EHD4: variants seen among roughly 807,000 people sequenced by gnomAD.
EHD4 encodes the protein EH domain-containing protein 4.
A neutral mutation model predicts 51.0 loss-of-function variants in EHD4; 37 were observed. The ratio of observed to expected loss-of-function variants is 0.73; its 90% confidence interval spans 0.56 to 0.95. The LOEUF is 0.95. Among genes scored for constraint, EHD4 ranks in the 40% least tolerant of loss-of-function variants. The pLI is 0.00. For missense variants in EHD4, 632 were observed against 733.1 expected (o/e 0.86, Z 1.59); for synonymous variants, 297 against 317.3 (o/e 0.94, Z 0.68).
At chr15:41,910,719 C>G (rs1286007307) in intron 4 of EHD4, among the ~76,000 whole-genome samples, 1 of 152,150 alleles carries the variant, frequency 6.6e-6, no homozygotes, top group Non-Finnish European at 1.5e-5. Flanking sequence ...CAGGTGTGCA[C>G]CACCACGCCT....
chr15:41,920,806 A>C (rs2140989231), intron 3 of EHD4, among the ~76,000 whole-genome samples: 1 of 152,370 alleles, frequency 6.6e-6, no homozygotes, highest in African/African-American at 2.4e-5. Flanking sequence ...GCTTAGTTTC[A>C]AAAGGACATA....
At chr15:41,965,802 T>C (rs1595547787) in intron 1 of EHD4, among the ~76,000 whole-genome samples, 1 of 152,034 alleles carries the variant, frequency 6.6e-6, no homozygotes, top group South Asian at 2.1e-4. Context: ...GAAAAAGCCT[T>C]CCCCCTCCTA....
At chr15:41,902,823 G>GTA (rs933577481) in intron 5 of EHD4, among the ~76,000 whole-genome samples, 11 of 123,082 alleles carry the variant, frequency 8.9e-5, no homozygotes, top group East Asian at 7.6e-4. Context: ...ATATATGTAT[G>GTA]TATATATATA....
intron 5 of EHD4, among the ~76,000 whole-genome samples, chr15:41,906,387 A>G (rs2067512297): frequency 6.6e-6 from 1 of 152,166 alleles, no homozygotes; most frequent in Non-Finnish European, 1.5e-5. Flanking sequence ...AGGAGAGACA[A>G]CCCAATCTTC....
chr15:41,905,709 C>T (rs567832496), intron 5 of EHD4, among the ~76,000 whole-genome samples: 9 of 152,216 alleles, frequency 5.9e-5, no homozygotes, highest in Non-Finnish European at 1.0e-4. Flanking sequence ...TCTCCTCTGT[C>T]GCCCAGGCTG....
At position 41,967,050 on chromosome 15, in the gene EHD4, C is replaced by T. The variant is rs570303910; in HGVS notation, c.236+5209G>A. ...CTCATGGACATCGCCACCTTGGTGTCCACTCAAACATGACAGGTCTAAATC... is the reference window on the plus strand; with the variant it reads ...CTCATGGACATCGCCACCTTGGTGTTCACTCAAACATGACAGGTCTAAATC... On this transcript the variant is annotated intron_variant, in intron 1 of 5. Coordinates refer to ENST00000220325, the MANE Select transcript of EHD4 (RefSeq NM_139265.4). Among the ~76,000 whole-genome samples the T allele has an allele frequency of 3.9e-5, 6 of 152,320 alleles. No homozygotes were observed. In the East Asian group the frequency reaches 9.6e-4, roughly 24 times the overall value.
chr15:41,969,939 C>T (rs952804534), intron 1 of EHD4, among the ~76,000 whole-genome samples: 1 of 152,154 alleles, frequency 6.6e-6, no homozygotes, highest in Non-Finnish European at 1.5e-5. Context: ...AGGTACACCC[C>T]ACAGCCAAGT....
rs927294145 is a variant in EHD4, at chr15:41,899,080, T to C, written c.*1565A>G. 6.6e-6 allele frequency: 1 copy of C among 151,940 alleles called. No homozygotes were observed. The highest frequency in any genetic ancestry group is 6.6e-5 in the Admixed American group (1 of 15,254). The allele number at this position is 151,940 out of a possible 1,614,324, so 9.4% of individuals were successfully genotyped here. ...GGCAGGTGACAGAAAAAAAAAATTA[T>C]GTGCCTTTTGGAAGACTCAGTGGGA... is the stretch of plus-strand genomic sequence containing the variant. On this transcript the variant is annotated 3_prime_UTR_variant, in exon 6 of 6. Transcript: ENST00000220325.
At chr15:41,936,326 C>G (rs988510071) in intron 3 of EHD4, among the ~76,000 whole-genome samples, 8 of 152,156 alleles carry the variant, frequency 5.3e-5, no homozygotes, top group Non-Finnish European at 2.9e-5. Context: ...ATTTCTTAAG[C>G]TCTCTGTGCC....
intron 3 of EHD4, among the ~76,000 whole-genome samples, chr15:41,930,342 C>T (rs553716296): frequency 4.8e-4 from 73 of 152,300 alleles, no homozygotes; most frequent in African/African-American, 1.3e-3. Flanking sequence ...ATAAATCAGA[C>T]GGAGTTGGCG....
intron 4 of EHD4, among the ~76,000 whole-genome samples, chr15:41,915,338 G>A (rs770889010): frequency 2.0e-5 from 3 of 152,182 alleles, no homozygotes; most frequent in Admixed American, 6.5e-5. Context: ...TTGGTTTCCT[G>A]AAGTGTTGGG....
chr15:41,920,543 G>A (rs558121290), intron 3 of EHD4, among the ~76,000 whole-genome samples: 9 of 152,352 alleles, frequency 5.9e-5, no homozygotes, highest in African/African-American at 2.2e-4. Flanking sequence ...CATGCTAGGG[G>A]TCGTCTCCCC....
intron 5 of EHD4, chr15:41,908,232 T>G (rs1260142896): frequency 6.6e-6 from 1 of 152,210 alleles, no homozygotes. Context: ...ATTAGACTGA[T>G]TCACTCTGAA....
chr15:41,900,650 C>G lies in EHD4; in HGVS notation c.1621G>C (p.Asp541His), dbSNP rs370652136. 1 of 1,587,320 alleles carries G rather than the reference C, an allele frequency of 6.3e-7. No individual in the cohort carries two copies. The highest frequency in any genetic ancestry group is 8.5e-7 in the Non-Finnish European group (1 of 1,170,472). ...PSHRKSLPKA[D>H] The stretch of plus-strand genomic sequence containing the variant: ...CCCGTTCTGCAGCCCACCCCTCAGT[C>G]GGCCTTGGGCAGGGACTTCCTGTGC... The change falls in exon 6 of 6, where the codon GAC becomes CAC. Residue 541 changes from aspartate (D) to histidine (H), a missense_variant. Transcript: ENST00000220325. The surrounding 1 kb of genome is among the most constrained non-coding windows in gnomAD (Gnocchi z 4.8).
intron 4 of EHD4, among the ~76,000 whole-genome samples, chr15:41,917,567 CAACTTTGGTTATAAACT>C (rs1377607845): frequency 6.6e-6 from 1 of 152,152 alleles, no homozygotes; most frequent in Non-Finnish European, 1.5e-5. Context: ...CATGAGTCAC[CAACTTTGGTTATAAACT>C]AATGTGGGGT....
At chr15:41,932,794 C>A (rs118121690) in intron 3 of EHD4, among the ~76,000 whole-genome samples, 2 of 152,100 alleles carry the variant, frequency 1.3e-5, no homozygotes, top group African/African-American at 4.8e-5. Context: ...GCACCCTCAC[C>A]GCCCCTGCTT....
rs1442255733 is a variant in EHD4, at chr15:41,953,760, TTAC to T, written c.413+1_413+3del. The T allele has an allele frequency of 1.2e-6, 2 of 1,603,020 alleles. No individual in the cohort carries two copies. Among genetic ancestry groups the T allele is most frequent in the Non-Finnish European group, 1.7e-6 (2 of 1,176,172 alleles). On this transcript the variant is annotated splice_donor_variant and splice_donor_region_variant and intron_variant, in intron 2 of 5. Coordinates refer to ENST00000220325, the MANE Select transcript of EHD4 (RefSeq NM_139265.4). LOFTEE classifies it high-confidence loss of function. ...ACCGAAGATGGCAGCTTGCTGGTCC[TTAC>T]CGATTCAGGAAAGCGTTTCCAAAGC...
rs182994445 is a variant in EHD4, at chr15:41,964,215, C to T, written c.236+8044G>A. ...ATGAAAATTGGACAAAGTTCACAGA[C>T]AATTCAGACAATTCACAAAGTAATA... is the stretch of plus-strand genomic sequence containing the variant. On this transcript the variant is annotated intron_variant, in intron 1 of 5. Coordinates refer to ENST00000220325, the MANE Select transcript of EHD4 (RefSeq NM_139265.4). Among the ~76,000 whole-genome samples, 8 of 146,884 alleles carry T rather than the reference C, an allele frequency of 5.4e-5. No homozygotes were observed. The East Asian group carries it at 1.6e-3, about 29-fold the overall frequency.
intron 2 of EHD4, among the ~76,000 whole-genome samples, chr15:41,948,936 G>A (rs1397084389): frequency 6.6e-6 from 1 of 151,142 alleles, no homozygotes. Context: ...GCTGAGGTGG[G>A]AGGATTGCTG....
Sources: gnomAD v4.1 joint callset for allele counts (sites outside exome capture counted in the v4.1 genomes callset) on GRCh38, gnomAD v4.1.1 for gene constraint, Gnocchi (gnomAD v3.1) non-coding constraint, MANE v1.5 for transcripts, NCBI Gene and HGNC (gene_info 2026-07-23, HGNC 2026-07-21) for gene names.